Variants in GALNT17 observed in about 807,000 individuals in gnomAD.
The protein encoded by GALNT17 is polypeptide N-acetylgalactosaminyltransferase 17, also known as UDP-GalNAc:polypeptide N-acetylgalactosaminyltransferase-like 3.
Under a neutral mutation model 63.7 loss-of-function variants are expected in GALNT17, and 29 were observed. That is an observed-to-expected ratio of 0.46 (90% CI 0.34 to 0.62). GALNT17 has a LOEUF of 0.62. Ranked by LOEUF, GALNT17 falls within the 20% of genes least tolerant of loss-of-function variation. The pLI is 0.01. For missense variants in GALNT17, 603 were observed against 799.6 expected (o/e 0.75, Z 2.97); for synonymous variants, 305 against 318.3 (o/e 0.96, Z 0.45).
At chr7:71,630,961 G>A (rs186804248) in intron 6 of GALNT17, among the ~76,000 whole-genome samples, 1 of 152,226 alleles carries the variant, frequency 6.6e-6, no homozygotes, top group African/African-American at 2.4e-5. Flanking sequence ...TATTCATTCA[G>A]TTGTTCAATG....
At chr7:71,356,363 A>C (rs1361163102) in intron 2 of GALNT17, among the ~76,000 whole-genome samples, 1 of 151,622 alleles carries the variant, frequency 6.6e-6, no homozygotes, top group Non-Finnish European at 1.5e-5. Flanking sequence ...TGTTGCTGTC[A>C]AGGAATACCT....
intron 6 of GALNT17, among the ~76,000 whole-genome samples, chr7:71,648,599 TTTTA>T (rs1790714223): frequency 6.6e-6 from 1 of 151,754 alleles, no homozygotes; most frequent in African/African-American, 2.4e-5. Context: ...TGAAAATAAT[TTTTA>T]TTTATTTATT....
chr7:71,511,224 G>A (rs975780752), intron 5 of GALNT17, among the ~76,000 whole-genome samples: 3 of 151,978 alleles, frequency 2.0e-5, no homozygotes, highest in East Asian at 1.9e-4. Context: ...GGACAGGGCC[G>A]AGCATCTCAA....
intron 5 of GALNT17, among the ~76,000 whole-genome samples, chr7:71,525,847 C>G (rs1156572856): frequency 2.1e-5 from 3 of 144,224 alleles, no homozygotes; most frequent in Non-Finnish European, 4.5e-5. Flanking sequence ...TCAAGTGATT[C>G]TCCTGCCTCA....
intron 1 of GALNT17, among the ~76,000 whole-genome samples, chr7:71,259,638 G>GTTTTTTTTTTTTT (rs1219751607): frequency 9.4e-5 from 13 of 138,004 alleles, no homozygotes; most frequent in South Asian, 7.1e-4. Flanking sequence ...TTTGTTTTTT[G>GTTTTTTTTTTTTT]TTTTTTTGTT....
At chr7:71,177,959 G>A (rs1216098217) in intron 1 of GALNT17, among the ~76,000 whole-genome samples, 1 of 151,958 alleles carries the variant, frequency 6.6e-6, no homozygotes, top group Admixed American at 6.6e-5. Context: ...TTTTTCCTGT[G>A]GCCCTGTCTT....
At chr7:71,559,131 T>C (rs1247935505) in intron 5 of GALNT17, among the ~76,000 whole-genome samples, 1 of 152,226 alleles carries the variant, frequency 6.6e-6, no homozygotes. Context: ...ATTTGTGAGC[T>C]GGATGCAGTG....
chr7:71,158,459 A>C (rs529607519), intron 1 of GALNT17, among the ~76,000 whole-genome samples: 1 of 151,268 alleles, frequency 6.6e-6, no homozygotes, highest in Non-Finnish European at 1.5e-5. Flanking sequence ...CAGTGGCGTG[A>C]TCTTGGCTCA....
chr7:71,401,714 T>C (rs1793244816), intron 3 of GALNT17, among the ~76,000 whole-genome samples: 1 of 152,302 alleles, frequency 6.6e-6, no homozygotes, highest in East Asian at 1.9e-4. Context: ...GCGCTCCTTA[T>C]GAGAATCTAA....
intron 6 of GALNT17, among the ~76,000 whole-genome samples, chr7:71,576,974 A>G (rs1367865166): frequency 6.6e-6 from 1 of 152,238 alleles, no homozygotes; most frequent in Non-Finnish European, 1.5e-5. Context: ...GTGCCTGTCA[A>G]CAGTGGATGG....
chr7:71,237,493 T>C (rs1789914052), intron 1 of GALNT17, among the ~76,000 whole-genome samples: 1 of 110,564 alleles, frequency 9.0e-6, no homozygotes, highest in Non-Finnish European at 1.8e-5. Flanking sequence ...TTGGCCAACA[T>C]AGTAAGATCC....
intron 5 of GALNT17, among the ~76,000 whole-genome samples, chr7:71,447,425 A>G (rs1787180708): frequency 6.6e-6 from 1 of 152,188 alleles, no homozygotes; most frequent in African/African-American, 2.4e-5. Context: ...TCAAAGGATA[A>G]TGCTTATTGG....
intron 7 of GALNT17, 24 bp from the exon 8 acceptor site, chr7:71,669,948 C>A: frequency 1.2e-6 from 2 of 1,613,496 alleles, no homozygotes; most frequent in Non-Finnish European, 1.7e-6. Context: ...TCACTAACAC[C>A]CCTTGGCTTC....
intron 6 of GALNT17, among the ~76,000 whole-genome samples, chr7:71,662,797 G>A (rs1052199132): frequency 2.0e-5 from 3 of 152,066 alleles, no homozygotes; most frequent in African/African-American, 7.2e-5. Flanking sequence ...TTAATCCAAG[G>A]TCATGAATTT....
chr7:71,275,497 A>G (rs1256493753), intron 1 of GALNT17, among the ~76,000 whole-genome samples: 1 of 152,214 alleles, frequency 6.6e-6, no homozygotes, highest in Non-Finnish European at 1.5e-5. Context: ...CAAGCCTTGC[A>G]GGTGATGTTG....
In GALNT17 at chr7:71,712,175, GC is replaced by G. The variant is rs1791805159; in HGVS notation, c.*34del. On this transcript the variant is annotated 3_prime_UTR_variant, in exon 11 of 11. Coordinates refer to ENST00000333538, the MANE Select transcript of GALNT17 (RefSeq NM_022479.3). ...GAGGGAGCTGGGGCACTGGAGCCTG[GC>G]CCCCAGGACATGGCTGCTCCCCCCA... The G allele has an allele frequency of 1.9e-6, 3 of 1,604,690 alleles. No homozygotes were observed. Among genetic ancestry groups the G allele is most frequent in the African/African-American group, 2.7e-5 (2 of 74,700 alleles).
At chr7:71,682,007 A>G (rs530204318) in intron 9 of GALNT17, among the ~76,000 whole-genome samples, 2 of 151,616 alleles carry the variant, frequency 1.3e-5, no homozygotes, top group East Asian at 3.9e-4. Context: ...GGTCACTGCA[A>G]CCTCCGCCTC....
intron 6 of GALNT17, among the ~76,000 whole-genome samples, chr7:71,617,636 G>A (rs1296329108): frequency 6.6e-6 from 1 of 150,746 alleles, no homozygotes. Flanking sequence ...TTGTTTGTTT[G>A]TTTGTTTGTT....
chr7:71,334,149 G>A (rs373936728), intron 1 of GALNT17, among the ~76,000 whole-genome samples: 1 of 152,174 alleles, frequency 6.6e-6, no homozygotes, highest in Non-Finnish European at 1.5e-5. Context: ...AATGATGCTC[G>A]TCTGACGGTG....
Sources: gnomAD v4.1 joint callset for allele counts (sites outside exome capture counted in the v4.1 genomes callset) on GRCh38, gnomAD v4.1.1 for gene constraint, MANE v1.5 for transcripts, NCBI Gene and HGNC (gene_info 2026-07-23, HGNC 2026-07-21) for gene names.